Variants in CAMTA1 observed in about 807,000 individuals in gnomAD.
The protein encoded by CAMTA1 is calmodulin binding transcription activator 1, also known as calmodulin-binding transcription activator 1.
Under a neutral mutation model 170.9 loss-of-function variants are expected in CAMTA1, and 27 were observed. The ratio of observed to expected loss-of-function variants is 0.16; its 90% CI spans 0.12 to 0.22. The LOEUF (loss-of-function observed/expected upper bound fraction) is 0.22, where lower values mean the gene tolerates loss of function less well. Ranked by LOEUF, CAMTA1 falls within the 10% of genes least tolerant of loss-of-function variation. The probability of loss-of-function intolerance (pLI) is 1.00; values close to 1 mark genes in which losing one functional copy is unlikely to be tolerated. For missense variants in CAMTA1, 1,619 were observed against 2,217.2 expected (o/e 0.73, Z 5.42); for synonymous variants, 833 against 891.5 (o/e 0.93, Z 1.17).
intron 4 of CAMTA1, among the ~76,000 whole-genome samples, chr1:7,124,730 C>T (rs374489382): frequency 3.3e-5 from 5 of 152,326 alleles, no homozygotes; most frequent in Admixed American, 6.5e-5. Context: ...CGGCGAAGCA[C>T]GGCGCTGACA....
chr1:7,177,189 TC>T (rs1234716729), intron 4 of CAMTA1, among the ~76,000 whole-genome samples: 2 of 135,118 alleles, frequency 1.5e-5, no homozygotes, highest in Non-Finnish European at 3.2e-5. Context: ...TCAAATCTCC[TC>T]CCCCATGCCA....
chr1:7,114,305 CTGTGTGTGTG>C (rs967755481), intron 4 of CAMTA1, among the ~76,000 whole-genome samples: 1 of 151,708 alleles, frequency 6.6e-6, no homozygotes, highest in African/African-American at 2.4e-5. Flanking sequence ...ACGTGTGCCT[CTGTGTGTGTG>C]TGTATGTGTG....
intron 19 of CAMTA1, 140 bp downstream of exon 19, chr1:7,747,921 T>A: frequency 1.9e-4 from 83 of 432,272 alleles, no homozygotes; most frequent in East Asian, 3.0e-4. Flanking sequence ...TTTTTTTTTA[T>A]TTTTTTTTTG....
At chr1:7,613,207 G>A (rs975391382) in intron 6 of CAMTA1, among the ~76,000 whole-genome samples, 1 of 152,232 alleles carries the variant, frequency 6.6e-6, no homozygotes, top group Non-Finnish European at 1.5e-5. Flanking sequence ...TGGCCACACA[G>A]TTGGCAAGTC....
intron 6 of CAMTA1, among the ~76,000 whole-genome samples, chr1:7,595,088 A>G (rs2095389066): frequency 2.0e-5 from 3 of 152,184 alleles, no homozygotes; most frequent in Non-Finnish European, 2.9e-5. Flanking sequence ...GGAGCTGATG[A>G]TGGGGACTCC....
chr1:7,743,283 TAAA>T (rs1271815490), intron 16 of CAMTA1, among the ~76,000 whole-genome samples: 2 of 151,976 alleles, frequency 1.3e-5, no homozygotes, highest in Admixed American at 6.6e-5. Context: ...TTACGTATGA[TAAA>T]AAATTTATAA....
rs1193929580 is a variant in CAMTA1 at position 7,768,549 on chromosome 1, G to A, written c.*2058G>A. ...GAAGGAAGGTAGATACAAAAAGATTGTGGTAAAAACTGGGGTCAGTGCTCT... is the reference window on the plus strand; with the variant it reads ...GAAGGAAGGTAGATACAAAAAGATTATGGTAAAAACTGGGGTCAGTGCTCT... On this transcript the variant is annotated 3_prime_UTR_variant, in exon 23 of 23. Coordinates refer to ENST00000303635, the MANE Select transcript of CAMTA1 (RefSeq NM_015215.4). 1 of 152,762 alleles carries A rather than the reference G, an allele frequency of 6.5e-6. No individual in the cohort carries two copies. The highest frequency in any genetic ancestry group is 6.5e-5 in the Admixed American group (1 of 15,276). 9.5% of individuals were successfully genotyped at this position (152,762 alleles called of 1,614,324 possible).
intron 3 of CAMTA1, among the ~76,000 whole-genome samples, chr1:7,051,823 C>G (rs1706419452): frequency 6.6e-6 from 1 of 151,870 alleles, no homozygotes; most frequent in Non-Finnish European, 1.5e-5. Flanking sequence ...GTGTCCCAGT[C>G]TACCCTTGCC....
At chr1:7,045,239 G>A (rs908596315) in intron 3 of CAMTA1, among the ~76,000 whole-genome samples, 1 of 152,110 alleles carries the variant, frequency 6.6e-6, no homozygotes, top group Non-Finnish European at 1.5e-5. Context: ...CCAGCGAAAG[G>A]TGGCAGAACC....
chr1:6,895,191 A>G (rs1159144612), intron 3 of CAMTA1, among the ~76,000 whole-genome samples: 1 of 152,200 alleles, frequency 6.6e-6, no homozygotes, highest in African/African-American at 2.4e-5. Flanking sequence ...TTGAAGTTCA[A>G]AGTTGGTGAA....
In CAMTA1 at chr1:7,532,267, C is replaced by A. The variant is rs138736091; in HGVS notation, c.510+64366C>A. ...CCCTCAAGTCAGGACTGCCACTCAC[C>A]CTCCGAGGTGGCCATCTTCTCAGCT... On this transcript the variant is annotated intron_variant, in intron 6 of 22. Transcript: ENST00000303635. The surrounding 1 kb of genome is among the most constrained non-coding windows in gnomAD (Gnocchi z 4.2). Among the ~76,000 whole-genome samples, 86 of 152,304 alleles carry A rather than the reference C, an allele frequency of 5.6e-4. No individual in the cohort carries two copies. Among genetic ancestry groups the A allele is most frequent in the South Asian group, 3.3e-3 (16 of 4,806 alleles).
At chr1:7,481,382 C>A (rs2093531788) in intron 6 of CAMTA1, among the ~76,000 whole-genome samples, 1 of 152,216 alleles carries the variant, frequency 6.6e-6, no homozygotes, top group Non-Finnish European at 1.5e-5. Flanking sequence ...GAGTCAGGTC[C>A]TTTCGTGCCT....
intron 6 of CAMTA1, among the ~76,000 whole-genome samples, chr1:7,495,492 G>A (rs546653900): frequency 6.6e-6 from 1 of 152,318 alleles, no homozygotes; most frequent in South Asian, 2.1e-4. Context: ...TTGACCACCA[G>A]CTGGCATCTA....
At position 6,987,323 on chromosome 1, in the gene CAMTA1, C is replaced by T. The variant is rs184959652; in HGVS notation, c.235-103981C>T. On this transcript the variant is annotated intron_variant, in intron 3 of 22. Coordinates refer to ENST00000303635, the MANE Select transcript of CAMTA1 (RefSeq NM_015215.4). The stretch of plus-strand genomic sequence containing the variant: ...GACTACAGGCATGTGCCACCATGCC[C>T]GGCTGATTATTTTGTATTTTTAGTA... Among the ~76,000 whole-genome samples the T allele has an allele frequency of 4.7e-3, 715 of 152,256 alleles. 4 individuals are homozygous for T. Among genetic ancestry groups the T allele is most frequent in the Non-Finnish European group, 7.9e-3 (534 of 68,016 alleles).
Position 6,825,144 on chromosome 1 carries a change from G to A in CAMTA1, c.168G>A (p.Lys56=), listed in dbSNP as rs1279428523. The stretch of plus-strand genomic sequence containing the variant: ...ATGTAAAAATCTTTTTACCGAAAAA[G>A]CTGCTTGAATGTCTGCCGAAATGTT... ...SSHVKIFLPK[K]LLECLPKCSS... Residue 56 remains lysine (K), a synonymous_variant, in exon 3 of 23, where the codon AAG becomes AAA. Coordinates refer to ENST00000303635, the MANE Select transcript of CAMTA1 (RefSeq NM_015215.4). The A allele has an allele frequency of 6.2e-7, 1 of 1,612,024 alleles. No individual in the cohort carries two copies. The highest frequency in any genetic ancestry group is 1.7e-5 in the Admixed American group (1 of 59,436).
chr1:7,532,503 T>C lies in CAMTA1; in HGVS notation c.510+64602T>C, dbSNP rs775570224. Among the ~76,000 whole-genome samples the C allele has an allele frequency of 2.0e-5, 3 of 152,068 alleles. No individual in the cohort carries two copies. The highest frequency in any genetic ancestry group is 4.4e-5 in the Non-Finnish European group (3 of 68,032). On this transcript the variant is annotated intron_variant, in intron 6 of 22. Transcript: ENST00000303635. The surrounding 1 kb of genome is among the most constrained non-coding windows in gnomAD (Gnocchi z 4.2). ...TGTTTTAGGGACGGGGCTCTTACCA[T>C]GTTGCCCAGGTTGGTCTTGAACTCC...
At chr1:7,346,555 T>TC (rs36048871) in intron 5 of CAMTA1, among the ~76,000 whole-genome samples, 7 of 152,070 alleles carry the variant, frequency 4.6e-5, no homozygotes, top group African/African-American at 1.7e-4. Context: ...CCATAAGACT[T>TC]CCCCCCTTAG....
chr1:7,605,821 G>T (rs1300936839), intron 6 of CAMTA1, among the ~76,000 whole-genome samples: 1 of 152,176 alleles, frequency 6.6e-6, no homozygotes, highest in Non-Finnish European at 1.5e-5. Flanking sequence ...TGGTCATCTT[G>T]GCTCCACCCC....
intron 4 of CAMTA1, among the ~76,000 whole-genome samples, chr1:7,231,429 A>C (rs1387835440): frequency 1.3e-5 from 2 of 151,886 alleles, no homozygotes; most frequent in Admixed American, 6.6e-5. Context: ...GTGCAGTGGC[A>C]TGATCTCGTC....
Sources: allele counts gnomAD v4.1 joint callset (sites outside exome capture counted in the v4.1 genomes callset), GRCh38; gene constraint gnomAD v4.1.1; non-coding constraint Gnocchi (gnomAD v3.1); transcripts MANE v1.5; gene names NCBI Gene and HGNC (gene_info 2026-07-23, HGNC 2026-07-21).